The following ZFAND3 variants were observed in gnomAD, a reference collection of about 807,000 sequenced individuals.
ZFAND3 encodes the protein AN1-type zinc finger protein 3.
A neutral mutation model predicts 29.6 loss-of-function variants in ZFAND3; 10 were observed. The observed-to-expected ratio is 0.34, with a 90% CI of 0.21 to 0.57. The LOEUF is 0.57. Among genes scored for constraint, ZFAND3 ranks in the 20% least tolerant of loss-of-function variants. The pLI, the probability that ZFAND3 is intolerant of heterozygous loss-of-function variation, is 0.86. For synonymous variants in ZFAND3, 128 were observed against 112.6 expected, an observed-to-expected ratio of 1.14 and a Z score of -0.87; for missense variants, 230 against 304.5, an observed-to-expected ratio of 0.76 and a Z score of 1.82.
At chr6:37,843,602 T>C (rs1368671604) in intron 1 of ZFAND3, among the ~76,000 whole-genome samples, 6 of 152,234 alleles carry the variant, frequency 3.9e-5, no homozygotes, top group Admixed American at 3.9e-4. Flanking sequence ...GAGAATTTTG[T>C]TTTGAGAACT....
chr6:37,968,985 A>G (rs199708959), intron 2 of ZFAND3, among the ~76,000 whole-genome samples: 10 of 152,198 alleles, frequency 6.6e-5, no homozygotes, highest in Non-Finnish European at 1.2e-4. Flanking sequence ...TGAACTTCCT[A>G]GAGTGAACTT....
intron 4 of ZFAND3, among the ~76,000 whole-genome samples, chr6:38,094,714 C>T (rs1275382603): frequency 6.6e-6 from 1 of 152,172 alleles, no homozygotes; most frequent in Non-Finnish European, 1.5e-5. Flanking sequence ...ATTAATACAT[C>T]TGATTGGAAA....
At chr6:37,912,167 AC>A (rs2127405427) in intron 1 of ZFAND3, among the ~76,000 whole-genome samples, 1 of 151,904 alleles carries the variant, frequency 6.6e-6, no homozygotes, top group Admixed American at 6.6e-5. Flanking sequence ...GAGAACAATT[AC>A]CTGTGGCTCA....
chr6:37,947,733 ATT>A (rs11320749), intron 2 of ZFAND3, among the ~76,000 whole-genome samples: 5 of 151,492 alleles, frequency 3.3e-5, no homozygotes, highest in African/African-American at 4.9e-5. Flanking sequence ...AGTTGTACAC[ATT>A]TTTTTTTTAC....
chr6:38,114,393 T>A (rs755301692), intron 4 of ZFAND3, among the ~76,000 whole-genome samples: 5 of 152,234 alleles, frequency 3.3e-5, no homozygotes, highest in Non-Finnish European at 7.3e-5. Context: ...GCGCCTGCCC[T>A]ATCTGTAGCC....
At chr6:38,098,782 A>G (rs1358457296) in intron 4 of ZFAND3, among the ~76,000 whole-genome samples, 1 of 152,174 alleles carries the variant, frequency 6.6e-6, no homozygotes, top group African/African-American at 2.4e-5. Context: ...GATTACAGGC[A>G]TGAGCCACCG....
chr6:38,017,538 G>GTGC (rs1763272634), intron 2 of ZFAND3, among the ~76,000 whole-genome samples: 1 of 152,156 alleles, frequency 6.6e-6, no homozygotes, highest in Non-Finnish European at 1.5e-5. Flanking sequence ...CTTTAGCAGA[G>GTGC]CTTGTCTTTT....
chr6:37,876,779 A>G (rs1454886871), intron 1 of ZFAND3, among the ~76,000 whole-genome samples: 1 of 152,226 alleles, frequency 6.6e-6, no homozygotes, highest in Non-Finnish European at 1.5e-5. Context: ...AATAATGTTT[A>G]TAACCATGAC....
rs186761523 is a variant in ZFAND3, at chr6:37,838,287, T to G, written c.71+18271T>G. On this transcript the variant is annotated intron_variant, in intron 1 of 5. Transcript: ENST00000287218. Reference sequence around the variant, plus strand: ...TTGTTTTGTTCCTCAAATTTTTTTTTGCTTAATTTAAAAAATATTGAGATA... The same window carrying G: ...TTGTTTTGTTCCTCAAATTTTTTTTGGCTTAATTTAAAAAATATTGAGATA... Among the ~76,000 whole-genome samples, 592 of 152,350 alleles carry G rather than the reference T, an allele frequency of 3.9e-3. 6 individuals are homozygous for G. The highest frequency in any genetic ancestry group is 6.0e-3 in the Non-Finnish European group (410 of 68,036).
chr6:37,819,835 C>CT lies in ZFAND3; in HGVS notation c.-110dup. 1 of 649,008 alleles carries CT rather than the reference C, an allele frequency of 1.5e-6. No individual in the cohort carries two copies. Among genetic ancestry groups the CT allele is most frequent in the Non-Finnish European group, 2.0e-6 (1 of 495,792 alleles). 40.2% of individuals were successfully genotyped at this position (649,008 alleles called of 1,614,324 possible). Reference sequence around the variant, plus strand: ...CCGCCCGCGCGCCCGCTCCTTCCCCCTCCCCCCGCCCCGAGCCCCCCGACG... The same window carrying CT: ...CCGCCCGCGCGCCCGCTCCTTCCCCCTTCCCCCCGCCCCGAGCCCCCCGACG... On this transcript the variant is annotated 5_prime_UTR_variant, in exon 1 of 6. Transcript: ENST00000287218.
At chr6:38,138,300 GACTT>G (rs1473231087) in intron 5 of ZFAND3, among the ~76,000 whole-genome samples, 1 of 152,106 alleles carries the variant, frequency 6.6e-6, no homozygotes, top group African/African-American at 2.4e-5. Context: ...TGAGATGGGA[GACTT>G]ACTTTCTGCT....
At chr6:38,088,928 C>T (rs1025747290) in intron 4 of ZFAND3, among the ~76,000 whole-genome samples, 4 of 152,160 alleles carry the variant, frequency 2.6e-5, no homozygotes, top group African/African-American at 9.7e-5. Flanking sequence ...AAAGTGTCAT[C>T]TTTTTACCCT....
chr6:38,078,290 A>G (rs1764592143), intron 3 of ZFAND3, among the ~76,000 whole-genome samples: 1 of 152,214 alleles, frequency 6.6e-6, no homozygotes, highest in African/African-American at 2.4e-5. Flanking sequence ...AAGGTAGAAT[A>G]TTCACTCTTC....
At chr6:37,980,537 ATTC>A (rs1776339712) in intron 2 of ZFAND3, among the ~76,000 whole-genome samples, 1 of 152,126 alleles carries the variant, frequency 6.6e-6, no homozygotes, top group Non-Finnish European at 1.5e-5. Flanking sequence ...CTCTACCCTT[ATTC>A]TTCTTTCTGC....
chr6:37,928,019 G>A (rs1175333438), intron 1 of ZFAND3, among the ~76,000 whole-genome samples: 2 of 152,186 alleles, frequency 1.3e-5, no homozygotes, highest in Non-Finnish European at 2.9e-5. Context: ...AATGTTAGAT[G>A]CTACCATTAA....
At chr6:37,958,497 A>G (rs1762140332) in intron 2 of ZFAND3, among the ~76,000 whole-genome samples, 1 of 151,860 alleles carries the variant, frequency 6.6e-6, no homozygotes, top group Admixed American at 6.6e-5. Flanking sequence ...TAGATTCTGA[A>G]CCATTTTATG....
intron 5 of ZFAND3, among the ~76,000 whole-genome samples, chr6:38,145,211 A>G (rs1766078668): frequency 6.6e-6 from 1 of 152,164 alleles, no homozygotes; most frequent in Non-Finnish European, 1.5e-5. Flanking sequence ...GAACCAGCGG[A>G]CGCTACTTGA....
At chr6:38,066,956 A>G (rs1764358194) in intron 3 of ZFAND3, among the ~76,000 whole-genome samples, 1 of 152,226 alleles carries the variant, frequency 6.6e-6, no homozygotes, top group Non-Finnish European at 1.5e-5. Flanking sequence ...AGAAGAGTCC[A>G]TGGAGCTTAG....
chr6:37,875,840 T>A (rs1452933493), intron 1 of ZFAND3, among the ~76,000 whole-genome samples: 3 of 151,860 alleles, frequency 2.0e-5, no homozygotes, highest in African/African-American at 7.2e-5. Context: ...TGATTTTTTT[T>A]TTTTTTTATT....
Sources: gnomAD v4.1 joint callset for allele counts (sites outside exome capture counted in the v4.1 genomes callset) on GRCh38, gnomAD v4.1.1 for gene constraint, MANE v1.5 for transcripts, NCBI Gene and HGNC (gene_info 2026-07-23, HGNC 2026-07-21) for gene names.